ABCD3: variants seen among roughly 807,000 people sequenced by gnomAD.
The protein encoded by ABCD3 is ATP-binding cassette sub-family D member 3.
Under a neutral mutation model 105.5 loss-of-function variants are expected in ABCD3, and 41 were observed. That is an observed-to-expected ratio of 0.39 (90% confidence interval 0.30 to 0.50). ABCD3 has a LOEUF of 0.50. ABCD3 is among the 20% of genes least tolerant of loss of function. ABCD3 has a pLI of 0.84. For synonymous variants in ABCD3, 258 were observed against 269.0 expected, an observed-to-expected ratio of 0.96 and a Z score of 0.40; for missense variants, 622 against 806.3, an observed-to-expected ratio of 0.77 and a Z score of 2.77.
At chr1:94,471,156 T>C (rs2100988219) in intron 4 of ABCD3, among the ~76,000 whole-genome samples, 1 of 152,334 alleles carries the variant, frequency 6.6e-6, no homozygotes, top group South Asian at 2.1e-4. Flanking sequence ...AGTTTTAAAA[T>C]TTAATTATGA....
At chr1:94,419,404 G>A (rs1557655600) in intron 1 of ABCD3, 1 of 962,980 alleles carries the variant, frequency 1.0e-6, no homozygotes, top group East Asian at 1.2e-4. Context: ...AACTTTGGGA[G>A]GTTATCAGTT....
At chr1:94,501,642 C>T (rs1424544415) in intron 20 of ABCD3, among the ~76,000 whole-genome samples, 1 of 152,118 alleles carries the variant, frequency 6.6e-6, no homozygotes, top group African/African-American at 2.4e-5. Flanking sequence ...CAGGGTTGCT[C>T]CAGCTAATGT....
chr1:94,405,986 G>A, the ABCD3 span, among the ~76,000 whole-genome samples: 1 of 150,318 alleles, frequency 6.7e-6, no homozygotes, highest in African/African-American at 2.4e-5. Flanking sequence ...TTTAGTAACA[G>A]AAAACCTTTT....
rs189617406 is a variant in ABCD3, at chr1:94,449,846, A to G, written c.111-8761A>G. 1.3e-3 allele frequency among the ~76,000 whole-genome samples: 202 copies of G among 152,314 alleles called. 1 individual carries two copies. The highest frequency in any genetic ancestry group is 5.7e-4 in the Non-Finnish European group (39 of 68,020). The stretch of plus-strand genomic sequence containing the variant: ...GGTAAGAAGTATGGCAAGAGTTCCT[A>G]TTATCTGGAAACATGGCGGTATGGT... On this transcript the variant is annotated intron_variant, in intron 1 of 22. Coordinates refer to ENST00000370214, the MANE Select transcript of ABCD3 (RefSeq NM_002858.4).
chr1:94,403,283 G>A, the ABCD3 span, among the ~76,000 whole-genome samples: 4 of 152,124 alleles, frequency 2.6e-5, no homozygotes, highest in Non-Finnish European at 5.9e-5. Flanking sequence ...AGAGGCGTGA[G>A]ATATCCATCT....
At chr1:94,434,035 C>T (rs1482033762) in intron 1 of ABCD3, among the ~76,000 whole-genome samples, 3 of 152,068 alleles carry the variant, frequency 2.0e-5, no homozygotes, top group African/African-American at 7.2e-5. Context: ...GTGTAGTTAC[C>T]ATGAATGGAG....
chr1:94,502,459 A>G (rs1279765403), intron 20 of ABCD3, among the ~76,000 whole-genome samples: 5 of 151,732 alleles, frequency 3.3e-5, no homozygotes, highest in African/African-American at 1.2e-4. Flanking sequence ...TCATCCTCAC[A>G]ACAGTCCTGT....
intron 13 of ABCD3, among the ~76,000 whole-genome samples, chr1:94,489,264 T>C (rs1285863855): frequency 1.3e-5 from 2 of 152,098 alleles, no homozygotes; most frequent in African/African-American, 4.8e-5. Context: ...TCTTTCAGAT[T>C]CTTCCGTTTG....
At chr1:94,454,444 C>T (rs1647442526) in intron 1 of ABCD3, among the ~76,000 whole-genome samples, 1 of 152,012 alleles carries the variant, frequency 6.6e-6, no homozygotes, top group Non-Finnish European at 1.5e-5. Context: ...TGCATTAAAT[C>T]CTGGTACAGA....
intron 2 of ABCD3, among the ~76,000 whole-genome samples, chr1:94,459,896 G>A (rs1388994305): frequency 6.6e-6 from 1 of 152,088 alleles, no homozygotes; most frequent in Non-Finnish European, 1.5e-5. Context: ...CTTTCACTTA[G>A]CACAATGTTT....
At chr1:94,393,209 T>C in the ABCD3 span, among the ~76,000 whole-genome samples, 4 of 152,132 alleles carry the variant, frequency 2.6e-5, no homozygotes, top group South Asian at 4.1e-4. Flanking sequence ...AAGAATAGAA[T>C]GCTTAGCACA....
chr1:94,407,522 G>T, the ABCD3 span, among the ~76,000 whole-genome samples: 1 of 152,268 alleles, frequency 6.6e-6, no homozygotes, highest in Middle Eastern at 3.4e-3. Context: ...CACATTTCTT[G>T]TAAGTTTATT....
Position 94,487,701 on chromosome 1 carries a change from C to T in ABCD3, c.975C>T (p.Ala325=). The change falls in exon 12 of 23, where the codon GCC becomes GCT. Residue 325 remains alanine, a synonymous_variant. Coordinates refer to ENST00000370214, the MANE Select transcript of ABCD3 (RefSeq NM_002858.4). The part of the protein sequence containing the change: ...FIDSIIAKYL[A]TVVGYLVVSR... ...TTACCTGTTTGGTTTCAGACCTTGC[C>T]ACTGTTGTTGGTTACCTAGTTGTCA... The T allele has an allele frequency of 1.2e-6, 2 of 1,613,900 alleles. No homozygotes were observed. The highest frequency in any genetic ancestry group is 1.1e-5 in the South Asian group (1 of 91,066).
intron 5 of ABCD3, among the ~76,000 whole-genome samples, chr1:94,474,621 A>G (rs374787970): frequency 1.3e-5 from 2 of 152,156 alleles, no homozygotes; most frequent in South Asian, 4.1e-4. Context: ...AGATTCAGCA[A>G]AGACCACTTG....
chr1:94,431,326 A>G (rs1182084838), intron 1 of ABCD3, among the ~76,000 whole-genome samples: 1 of 152,206 alleles, frequency 6.6e-6, no homozygotes, highest in African/African-American at 2.4e-5. Flanking sequence ...GAAATCAATC[A>G]ACTACTCAAA....
Position 94,508,567 on chromosome 1 carries a change from G to A in ABCD3, c.1845+1925G>A, listed in dbSNP as rs575350903. ...GCTTGATGGGGATGGCATTGAATCT[G>A]TAAATTACCTTGGGCAGTATGGCCA... is the stretch of plus-strand genomic sequence containing the variant. On this transcript the variant is annotated intron_variant, in intron 21 of 22. Coordinates refer to ENST00000370214, the MANE Select transcript of ABCD3 (RefSeq NM_002858.4). 5.6e-3 allele frequency among the ~76,000 whole-genome samples: 848 copies of A among 150,140 alleles called. 6 individuals are homozygous for A. The highest frequency in any genetic ancestry group is 8.5e-3 in the Non-Finnish European group (574 of 67,396).
chr1:94,497,745 A>G (rs1027104399), intron 16 of ABCD3, among the ~76,000 whole-genome samples: 1 of 152,234 alleles, frequency 6.6e-6, no homozygotes, highest in African/African-American at 2.4e-5. Context: ...ACTCATTGCA[A>G]TATTATCTAG....
At chr1:94,464,741 G>C (rs1440729030) in intron 2 of ABCD3, 34 bp from the exon 3 acceptor site, 1 of 1,517,900 alleles carries the variant, frequency 6.6e-7, no homozygotes, top group Non-Finnish European at 9.2e-7. Flanking sequence ...GTTTGTTATA[G>C]CTATCTTAAA....
rs527890530 is a variant in ABCD3, at chr1:94,501,052, T to C, written c.1740+1438T>C. Among the ~76,000 whole-genome samples, 3 of 152,162 alleles carry C rather than the reference T, an allele frequency of 2.0e-5. 1 individual carries two copies. The South Asian group carries it at 6.2e-4, about 32-fold the overall frequency. ...CGACGGAAACTCAGAGAATGAATAA[T>C]GAATGTACTTAAACCAAGGAACAGT... is the stretch of plus-strand genomic sequence containing the variant. On this transcript the variant is annotated intron_variant, in intron 20 of 22. Transcript: ENST00000370214.
Sources: gnomAD v4.1 joint callset for allele counts (sites outside exome capture counted in the v4.1 genomes callset) on GRCh38, gnomAD v4.1.1 for gene constraint, MANE v1.5 for transcripts, NCBI Gene and HGNC (gene_info 2026-07-23, HGNC 2026-07-21) for gene names.